The following TNRC18 variants were observed in gnomAD, a reference collection of about 807,000 sequenced individuals.
The protein encoded by TNRC18 is trinucleotide repeat-containing gene 18 protein.
A neutral mutation model predicts 226.7 loss-of-function variants in TNRC18; 69 were observed. The observed-to-expected ratio is 0.30, with a 90% confidence interval of 0.25 to 0.37. The LOEUF is 0.37. Ranked by LOEUF, TNRC18 falls within the 10% of genes least tolerant of loss-of-function variation. TNRC18 has a pLI of 1.00. For missense variants in TNRC18, 4,754 were observed against 4,256.6 expected (o/e 1.12, Z -3.25); for synonymous variants, 2,449 against 1,927.6 (o/e 1.27, Z -7.09).
Position 5,370,572 on chromosome 7 carries a change from C to G in TNRC18, c.4022G>C (p.Gly1341Ala), listed in dbSNP as rs754660690. 5.0e-6 allele frequency: 8 copies of G among 1,612,296 alleles called. No individual in the cohort carries two copies. Among genetic ancestry groups the G allele is most frequent in the Non-Finnish European group, 6.8e-6 (8 of 1,179,366 alleles). The change falls in exon 11 of 30, where the codon GGC (glycine) becomes GCC (alanine). Residue 1341 changes from glycine to alanine, a missense_variant. Transcript: ENST00000430969. Reference sequence around the variant, plus strand: ...CGCAGCTGCCGCCAGGGCGTTCATGCCAGCCAGTGGGTCCTCCAGACTGGG... The same window carrying G: ...CGCAGCTGCCGCCAGGGCGTTCATGGCAGCCAGTGGGTCCTCCAGACTGGG... The part of the protein sequence containing the change: ...FLPSLEDPLA[G>A]MNALAAAAEL...
chr7:5,311,340 C>G (rs1277409392), intron 27 of TNRC18, among the ~76,000 whole-genome samples: 1 of 152,274 alleles, frequency 6.6e-6, no homozygotes, highest in Admixed American at 6.5e-5. Context: ...GGACCCCGAC[C>G]TGGCCAGCCA....
rs761877938 is a variant in TNRC18, at chr7:5,321,060, C to T, written c.6560+13G>A. 7.8e-6 allele frequency: 12 copies of T among 1,529,606 alleles called. No homozygotes were observed. In the South Asian group the frequency reaches 1.3e-4, roughly 17 times the overall value. 94.8% of individuals were successfully genotyped at this position (1,529,606 alleles called of 1,614,324 possible). On this transcript the variant is annotated intron_variant, in intron 22 of 29. Coordinates refer to ENST00000430969, the MANE Select transcript of TNRC18 (RefSeq NM_001080495.3). ...GACACGGGGCTCTGTGCCGGACCTC[C>T]CACCCCACTCACATGTCTGGCGAGT...
intron 5 of TNRC18, among the ~76,000 whole-genome samples, chr7:5,384,325 T>C (rs902206214): frequency 1.3e-5 from 2 of 152,120 alleles, no homozygotes; most frequent in Non-Finnish European, 2.9e-5. Flanking sequence ...GGCCTCAACC[T>C]CCTAAGCTCA....
Position 5,324,312 on chromosome 7 carries a change from A to T in TNRC18, c.6344T>A (p.Met2115Lys). The T allele has an allele frequency of 6.2e-7, 1 of 1,613,612 alleles. No individual in the cohort carries two copies. Among genetic ancestry groups the T allele is most frequent in the Non-Finnish European group, 8.5e-7 (1 of 1,179,706 alleles). Residue 2115 changes from methionine to lysine, a missense_variant, in exon 21 of 30, where the codon ATG becomes AAG. By Grantham distance (95) the Met-to-Lys change is moderately conservative (BLOSUM62 -1). Coordinates refer to ENST00000430969, the MANE Select transcript of TNRC18 (RefSeq NM_001080495.3). The surrounding 1 kb of genome is among the most constrained non-coding windows in gnomAD (Gnocchi z 4.8). ...GGGTTCAAAGTCCTCCTCGGCTGCC[A>T]TGCTCTCCATCAGCTTGCTCACGGC... ...GGAVSKLMES[M>K]AAEEDFEPNQ...
intron 21 of TNRC18, among the ~76,000 whole-genome samples, chr7:5,322,825 G>A (rs1250938757): frequency 4.6e-5 from 7 of 152,180 alleles, no homozygotes; most frequent in Non-Finnish European, 4.4e-5. Context: ...TGGGACGGCC[G>A]TATCCCTGCT....
At chr7:5,329,831 C>A in intron 19 of TNRC18, 1 of 451,966 alleles carries the variant, frequency 2.2e-6, no homozygotes, top group South Asian at 1.6e-5. Flanking sequence ...CCTCTTTGGG[C>A]CTTTCCCAAG....
Position 5,307,860 on chromosome 7 carries a change from A to C in TNRC18, c.*246T>G. On this transcript the variant is annotated 3_prime_UTR_variant, in exon 30 of 30. Coordinates refer to ENST00000430969, the MANE Select transcript of TNRC18 (RefSeq NM_001080495.3). ...CCGGTCCGGCCATACCCTGATAGCT[A>C]AGAGGGGCCCCTGTCCTGGGGGCAC... is the stretch of plus-strand genomic sequence containing the variant. 1.5e-5 allele frequency: 8 copies of C among 541,254 alleles called. No individual in the cohort carries two copies. The highest frequency in any genetic ancestry group is 9.5e-5 in the East Asian group (3 of 31,516). 33.5% of individuals were successfully genotyped at this position (541,254 alleles called of 1,614,324 possible). A position where few individuals can be genotyped will look rare whatever the true frequency, so the allele number is the denominator to read the frequency against.
chr7:5,334,311 T>G (rs1190770165), intron 18 of TNRC18, among the ~76,000 whole-genome samples: 1 of 143,590 alleles, frequency 7.0e-6, no homozygotes, highest in East Asian at 2.1e-4. Context: ...TTTTTTTTTT[T>G]CTTGAGACGG....
In TNRC18 at chr7:5,376,917, G is replaced by C; in HGVS notation, c.2538C>G (p.Ala846=). 6.2e-7 allele frequency: 1 copy of C among 1,606,386 alleles called. No individual in the cohort carries two copies. The highest frequency in any genetic ancestry group is 2.2e-5 in the East Asian group (1 of 44,580). The change falls in exon 8 of 30, where the codon GCC becomes GCG. Residue 846 remains alanine (A), a synonymous_variant. Transcript: ENST00000430969. ...ATTGGGGGTCCCTGACAAACTGGTAGGCTGACGGGAGGGAGCCCCCCAGGC... is the reference window on the plus strand; with the variant it reads ...ATTGGGGGTCCCTGACAAACTGGTACGCTGACGGGAGGGAGCCCCCCAGGC... The part of the protein sequence containing the change: ...PPGLGGSLPS[A]YQFVRDPQSG...
chr7:5,388,756 G>A lies in TNRC18; in HGVS notation c.1068C>T (p.Val356=), dbSNP rs1478754896. ...GGCCCTGCTCGCGGAAGACGGTGTA[G>A]ACGCCGGCGGGGGTGGCCGCGGGGG... is the stretch of plus-strand genomic sequence containing the variant. ...PAPPAATPAG[V]YTVFREQGRE... Residue 356 remains valine (V), a synonymous_variant, in exon 5 of 30, where the codon GTC becomes GTT. Coordinates refer to ENST00000430969, the MANE Select transcript of TNRC18 (RefSeq NM_001080495.3). 4.0e-6 allele frequency: 5 copies of A among 1,238,682 alleles called. No homozygotes were observed. The highest frequency in any genetic ancestry group is 5.1e-6 in the Non-Finnish European group (5 of 989,016). The allele number at this position is 1,238,682 out of a possible 1,614,324, so 76.7% of individuals were successfully genotyped here.
At chr7:5,421,015 T>G in intron 2 of TNRC18, 45 bp downstream of exon 2, 1 of 1,542,700 alleles carries the variant, frequency 6.5e-7, no homozygotes, top group Admixed American at 2.0e-5. Context: ...CGAGTGGATC[T>G]CCCTGGGAAG....
chr7:5,382,423 G>A (rs925248216), intron 5 of TNRC18, among the ~76,000 whole-genome samples: 1 of 152,130 alleles, frequency 6.6e-6, no homozygotes, highest in Non-Finnish European at 1.5e-5. Flanking sequence ...CAGGTCACAC[G>A]CCCCACATCG....
In TNRC18 at chr7:5,356,934, C is replaced by A; in HGVS notation, c.5176G>T (p.Val1726Leu). Residue 1726 changes from valine to leucine, a missense_variant, in exon 16 of 30, where the codon GTG (valine) becomes TTG (leucine). By Grantham distance (32) the Val-to-Leu change is conservative. Coordinates refer to ENST00000430969, the MANE Select transcript of TNRC18 (RefSeq NM_001080495.3). ...TACTTACTGTAAGAGTAGCTGCTCA[C>A]TTCCGAGGCAAACGGGGAATGGGCC... The part of the protein sequence containing the change: ...KSAHSPFASE[V>L]SSYSYNTDSE... The A allele has an allele frequency of 6.5e-7, 1 of 1,548,950 alleles. No individual in the cohort carries two copies. Among genetic ancestry groups the A allele is most frequent in the Non-Finnish European group, 8.7e-7 (1 of 1,145,556 alleles).
chr7:5,373,791 A>G (rs1229004480), intron 10 of TNRC18, among the ~76,000 whole-genome samples: 1 of 152,118 alleles, frequency 6.6e-6, no homozygotes, highest in East Asian at 1.9e-4. Flanking sequence ...GCTCGGTGGA[A>G]AACTCAGAAC....
At chr7:5,310,950 G>C (rs988931619) in intron 27 of TNRC18, among the ~76,000 whole-genome samples, 1 of 148,994 alleles carries the variant, frequency 6.7e-6, no homozygotes, top group Non-Finnish European at 1.5e-5. Flanking sequence ...GCACGTGTTT[G>C]TGTGTGTGCA....
intron 11 of TNRC18, among the ~76,000 whole-genome samples, chr7:5,363,159 C>T (rs771477448): frequency 3.3e-5 from 5 of 152,034 alleles, no homozygotes; most frequent in Non-Finnish European, 5.9e-5. Context: ...AAAAACTAGC[C>T]GGGTGTAGTG....
chr7:5,320,344 C>T lies in TNRC18; in HGVS notation c.6719G>A (p.Cys2240Tyr). 6.4e-7 allele frequency: 1 copy of T among 1,556,388 alleles called. No homozygotes were observed. The highest frequency in any genetic ancestry group is 8.7e-7 in the Non-Finnish European group (1 of 1,149,870). ...IAAYWSQQYR[C>Y]LYPGTVVRGL... Reference sequence around the variant, plus strand: ...TCGGACCACAGTGCCTGGGTAGAGACAGCGGTACTGCTGGCTCCAGTAGGC... The same window carrying T: ...TCGGACCACAGTGCCTGGGTAGAGATAGCGGTACTGCTGGCTCCAGTAGGC... Residue 2240 changes from cysteine (C) to tyrosine (Y), a missense_variant, in exon 24 of 30, where the codon TGT becomes TAT. By Grantham distance (194) the Cys-to-Tyr change is radical. Transcript: ENST00000430969.
chr7:5,421,048 C>T lies in TNRC18; in HGVS notation c.187+12G>A. On this transcript the variant is annotated intron_variant, in intron 2 of 29. Coordinates refer to ENST00000430969, the MANE Select transcript of TNRC18 (RefSeq NM_001080495.3). ...AAGACAGGAGGGGACGGGCACGGCGCGGGGCACTTACCCGGGTGCGGATGG... is the reference window on the plus strand; with the variant it reads ...AAGACAGGAGGGGACGGGCACGGCGTGGGGCACTTACCCGGGTGCGGATGG... The T allele has an allele frequency of 1.3e-6, 2 of 1,526,896 alleles. No homozygotes were observed. Among genetic ancestry groups the T allele is most frequent in the Non-Finnish European group, 1.8e-6 (2 of 1,128,354 alleles). The allele number at this position is 1,526,896 out of a possible 1,614,324, so 94.6% of individuals were successfully genotyped here.
chr7:5,393,710 G>A (rs1780463235), intron 3 of TNRC18, among the ~76,000 whole-genome samples: 1 of 152,198 alleles, frequency 6.6e-6, no homozygotes. Flanking sequence ...TTGGAGGTCT[G>A]CAGGCCCATT....
Sources: gnomAD v4.1 joint callset for allele counts (sites outside exome capture counted in the v4.1 genomes callset) on GRCh38, gnomAD v4.1.1 for gene constraint, Gnocchi (gnomAD v3.1) non-coding constraint, MANE v1.5 for transcripts, NCBI Gene and HGNC (gene_info 2026-07-23, HGNC 2026-07-21) for gene names.